ADGRB3: variants seen among roughly 807,000 people sequenced by gnomAD.
The protein encoded by ADGRB3 is adhesion G protein-coupled receptor B3, also known as brain-specific angiogenesis inhibitor 3.
Under a neutral mutation model 193.4 loss-of-function variants are expected in ADGRB3, and 37 were observed. That is an observed-to-expected ratio of 0.19 (90% CI 0.15 to 0.25). ADGRB3 has a LOEUF of 0.25. Ranked by LOEUF, ADGRB3 falls within the 10% of genes least tolerant of loss-of-function variation. The probability of loss-of-function intolerance (pLI) is 1.00; values close to 1 mark genes in which losing one functional copy is unlikely to be tolerated. For missense variants in ADGRB3, 1,637 were observed against 1,852.9 expected, an observed-to-expected ratio of 0.88 and a Z score of 2.14; for synonymous variants, 690 against 644.2, an observed-to-expected ratio of 1.07 and a Z score of -1.08.
chr6:69,264,851 A>C (rs189503450), intron 20 of ADGRB3, among the ~76,000 whole-genome samples: 2 of 151,976 alleles, frequency 1.3e-5, no homozygotes, highest in Admixed American at 1.3e-4. Context: ...GGTTTTGTTC[A>C]TTTTTGTATT....
At chr6:69,348,577 A>G (rs1351012923) in intron 26 of ADGRB3, among the ~76,000 whole-genome samples, 1 of 151,260 alleles carries the variant, frequency 6.6e-6, no homozygotes, top group Admixed American at 6.6e-5. Flanking sequence ...GCAGAGAATC[A>G]CTTGAACCCA....
Position 69,361,530 on chromosome 6 carries a change from A to T in ADGRB3, c.4239+18A>T. 6.3e-7 allele frequency: 1 copy of T among 1,596,508 alleles called. No homozygotes were observed. The highest frequency in any genetic ancestry group is 8.5e-7 in the Non-Finnish European group (1 of 1,170,680). The stretch of plus-strand genomic sequence containing the variant: ...CTTTAGAGGTGAGCCACAGAAGATT[A>T]AATTTTTCCTTGATAGTTGAAATAT... On this transcript the variant is annotated intron_variant, in intron 29 of 31. Transcript: ENST00000370598.
chr6:69,368,860 T>C (rs1303283691), intron 29 of ADGRB3, among the ~76,000 whole-genome samples: 3 of 151,886 alleles, frequency 2.0e-5, no homozygotes, highest in Admixed American at 2.0e-4. Context: ...TTTAATGGAG[T>C]ATTGAGAATA....
intron 17 of ADGRB3, among the ~76,000 whole-genome samples, chr6:69,154,188 T>C (rs890309862): frequency 2.0e-5 from 3 of 152,086 alleles, no homozygotes; most frequent in Non-Finnish European, 4.4e-5. Context: ...CCATCACAGA[T>C]CAATGTCAGT....
At chr6:68,899,421 C>G (rs988674335) in intron 3 of ADGRB3, among the ~76,000 whole-genome samples, 7 of 144,704 alleles carry the variant, frequency 4.8e-5, no homozygotes, top group Admixed American at 4.1e-4. Context: ...AGGTATATCT[C>G]CCACTGCTAT....
At chr6:68,854,504 C>G (rs189144444) in intron 3 of ADGRB3, among the ~76,000 whole-genome samples, 1 of 151,756 alleles carries the variant, frequency 6.6e-6, no homozygotes. Context: ...TAAATAGATG[C>G]GATTGTATAT....
chr6:69,017,047 A>G (rs754414104), intron 12 of ADGRB3, among the ~76,000 whole-genome samples: 2 of 151,928 alleles, frequency 1.3e-5, no homozygotes, highest in Non-Finnish European at 2.9e-5. Flanking sequence ...TTAATGACTG[A>G]AAATGAAGCT....
intron 3 of ADGRB3, among the ~76,000 whole-genome samples, chr6:68,667,562 A>C (rs1308104866): frequency 6.6e-6 from 1 of 152,002 alleles, no homozygotes; most frequent in Non-Finnish European, 1.5e-5. Flanking sequence ...TTACATCAGT[A>C]TAATAAATAG....
chr6:69,171,617 A>G (rs536868759), intron 17 of ADGRB3, among the ~76,000 whole-genome samples: 26 of 152,298 alleles, frequency 1.7e-4, no homozygotes, highest in African/African-American at 6.0e-4. Flanking sequence ...TCTGGGAAGT[A>G]TAAGAAAGAA....
chr6:69,249,730 T>C (rs2127266191), intron 20 of ADGRB3, among the ~76,000 whole-genome samples: 1 of 152,298 alleles, frequency 6.6e-6, no homozygotes, highest in African/African-American at 2.4e-5. Context: ...ATGGCAAATC[T>C]TGGAACTAAA....
chr6:69,062,834 G>T, intron 15 of ADGRB3, 100 bp from the exon 16 acceptor site: 2 of 753,516 alleles, frequency 2.7e-6, no homozygotes, highest in Non-Finnish European at 2.2e-6. Flanking sequence ...TTTTTGCTTT[G>T]GATGCATTTA....
rs138073989 is a variant in ADGRB3 at position 68,692,643 on chromosome 6, A to G, written c.757+53211A>G. ...TACTAGCAATGTTCAATAACCTCCA[A>G]TAGGCAATATTAGTCTCAAACAACC... is the stretch of plus-strand genomic sequence containing the variant. On this transcript the variant is annotated intron_variant, in intron 3 of 31. Coordinates refer to ENST00000370598, the MANE Select transcript of ADGRB3 (RefSeq NM_001704.3). Among the ~76,000 whole-genome samples the G allele has an allele frequency of 3.2e-3, 479 of 151,950 alleles. 4 individuals are homozygous for G. The highest frequency in any genetic ancestry group is 0.011 in the African/African-American group (468 of 41,500).
rs1172203409 is a variant in ADGRB3 at position 68,897,538 on chromosome 6, GGGAA to G, written c.758-33004_758-33001del. Among the ~76,000 whole-genome samples the G allele has an allele frequency of 4.6e-4, 7 of 15,160 alleles. 1 individual carries two copies. Among genetic ancestry groups the G allele is most frequent in the East Asian group, 1.3e-3 (2 of 1,576 alleles). 9.9% of individuals were successfully genotyped at this position (15,160 alleles called of 152,430 possible). The stretch of plus-strand genomic sequence containing the variant: ...GAAGGGAGGGAGGAAAGAGGAAAGA[GGGAA>G]GGAAGGAAGGAAGGAAAGAAAGAGA... On this transcript the variant is annotated intron_variant, in intron 3 of 31. Transcript: ENST00000370598.
intron 12 of ADGRB3, among the ~76,000 whole-genome samples, chr6:69,016,018 A>C (rs1179871633): frequency 1.3e-5 from 2 of 151,980 alleles, no homozygotes; most frequent in African/African-American, 4.8e-5. Flanking sequence ...AACTGCAGCC[A>C]GTGAGCCAAA....
chr6:68,853,704 G>GA (rs1768451851), intron 3 of ADGRB3, among the ~76,000 whole-genome samples: 1 of 151,788 alleles, frequency 6.6e-6, no homozygotes, highest in Non-Finnish European at 1.5e-5. Flanking sequence ...AAATGTCTTT[G>GA]GTAGTAACTG....
chr6:68,892,354 A>C (rs1183111307), intron 3 of ADGRB3, among the ~76,000 whole-genome samples: 2 of 152,130 alleles, frequency 1.3e-5, no homozygotes, highest in Non-Finnish European at 2.9e-5. Context: ...GAGTTTCCCC[A>C]ACAGGCTGAA....
At chr6:68,993,747 C>G (rs1302115055) in intron 10 of ADGRB3, 21 bp from the exon 11 acceptor site, 2 of 1,600,104 alleles carry the variant, frequency 1.2e-6, no homozygotes, top group Non-Finnish European at 1.7e-6. Flanking sequence ...GATGTTTGCT[C>G]TGTTCTTTTG....
At chr6:69,149,902 ATCTC>A (rs1217874512) in intron 17 of ADGRB3, among the ~76,000 whole-genome samples, 4 of 143,610 alleles carry the variant, frequency 2.8e-5, no homozygotes, top group Non-Finnish European at 4.6e-5. Flanking sequence ...CTCTCTCTTT[ATCTC>A]TCTCTCTGTC....
chr6:68,749,148 T>C (rs765182680), intron 3 of ADGRB3, among the ~76,000 whole-genome samples: 5 of 152,210 alleles, frequency 3.3e-5, no homozygotes, highest in Non-Finnish European at 5.9e-5. Flanking sequence ...GTCTCTGACA[T>C]GGCCTGGAGA....
Sources: allele counts gnomAD v4.1 joint callset (sites outside exome capture counted in the v4.1 genomes callset), GRCh38; gene constraint gnomAD v4.1.1; transcripts MANE v1.5; gene names NCBI Gene and HGNC (gene_info 2026-07-23, HGNC 2026-07-21).